B3GLCT: variants seen among roughly 807,000 people sequenced by gnomAD.
The protein encoded by B3GLCT is beta 3-glucosyltransferase.
A neutral mutation model predicts 63.4 loss-of-function variants in B3GLCT; 65 were observed. The observed-to-expected ratio is 1.03, with a 90% CI of 0.84 to 1.26. B3GLCT has a LOEUF of 1.26. Ranked by LOEUF, B3GLCT falls within the 50% of genes most tolerant of loss-of-function variation. The probability of loss-of-function intolerance (pLI) is 0.00; values close to 1 mark genes in which losing one functional copy is unlikely to be tolerated. For synonymous variants in B3GLCT, 233 were observed against 219.2 expected (o/e 1.06, Z -0.55); for missense variants, 577 against 604.8 (o/e 0.95, Z 0.48).
intron 2 of B3GLCT, among the ~76,000 whole-genome samples, chr13:31,219,499 A>C (rs1869717383): frequency 6.6e-6 from 1 of 152,162 alleles, no homozygotes; most frequent in South Asian, 2.1e-4. Flanking sequence ...GTAGCACTCA[A>C]AGTCCTTGTG....
At chr13:31,252,006 A>G (rs570958092) in intron 6 of B3GLCT, among the ~76,000 whole-genome samples, 68 of 152,218 alleles carry the variant, frequency 4.5e-4, no homozygotes, top group Non-Finnish European at 6.9e-4. Flanking sequence ...CCATCAGACT[A>G]ACAGCGGATC....
chr13:31,248,404 T>C (rs561035263), intron 6 of B3GLCT, among the ~76,000 whole-genome samples: 124 of 152,304 alleles, frequency 8.1e-4, no homozygotes, highest in African/African-American at 2.9e-3. Flanking sequence ...ATTCTGAACA[T>C]GTGGGTGGCA....
At chr13:31,327,699 G>A (rs993210865) in intron 14 of B3GLCT, among the ~76,000 whole-genome samples, 7 of 152,104 alleles carry the variant, frequency 4.6e-5, no homozygotes, top group Non-Finnish European at 8.8e-5. Context: ...AAGAAACGTC[G>A]TATAATAAAT....
chr13:31,204,105 G>T (rs1868817367), intron 1 of B3GLCT, among the ~76,000 whole-genome samples: 1 of 152,194 alleles, frequency 6.6e-6, no homozygotes, highest in South Asian at 2.1e-4. Flanking sequence ...AATGAATCGT[G>T]TCTGTGCCAA....
At chr13:31,318,740 A>AAGAG in intron 13 of B3GLCT, among the ~76,000 whole-genome samples, 1 of 152,262 alleles carries the variant, frequency 6.6e-6, no homozygotes, top group Non-Finnish European at 1.5e-5. Flanking sequence ...TTTCTGGGTG[A>AAGAG]AGAGTTAGGG....
chr13:31,286,712 T>C lies in B3GLCT; in HGVS notation c.965-8T>C, dbSNP rs987796107. On this transcript the variant is annotated splice_polypyrimidine_tract_variant and splice_region_variant and intron_variant, in intron 11 of 14. Coordinates refer to ENST00000343307, the MANE Select transcript of B3GLCT (RefSeq NM_194318.4). ...ATACATTGTAAGTTTTTTTCTTGCC[T>C]TTTCTAGGTCATTGTGGAAAGACAT... The C allele has an allele frequency of 6.3e-7, 1 of 1,590,000 alleles. No individual in the cohort carries two copies. The highest frequency in any genetic ancestry group is 1.7e-5 in the Admixed American group (1 of 59,910).
chr13:31,250,347 A>T (rs117140962), intron 6 of B3GLCT, among the ~76,000 whole-genome samples: 1 of 152,142 alleles, frequency 6.6e-6, no homozygotes, highest in East Asian at 1.9e-4. Flanking sequence ...GTAATTTTTG[A>T]ATTTTTAGTA....
chr13:31,331,368 T>A lies in B3GLCT; in HGVS notation c.*1700T>A, dbSNP rs182680558. ...TTGACATGATTGAAGCTGGCATCCG[T>A]ATATGAAGATCCTTGTCAAGCTTTC... On this transcript the variant is annotated 3_prime_UTR_variant, in exon 15 of 15. Coordinates refer to ENST00000343307, the MANE Select transcript of B3GLCT (RefSeq NM_194318.4). 1 of 151,524 alleles carries A rather than the reference T, an allele frequency of 6.6e-6. No homozygotes were observed. The highest frequency in any genetic ancestry group is 6.6e-5 in the Admixed American group (1 of 15,142). 9.4% of individuals were successfully genotyped at this position (151,524 alleles called of 1,614,324 possible).
At chr13:31,255,583 GGTACTGGTA>G (rs1871697403) in intron 6 of B3GLCT, among the ~76,000 whole-genome samples, 1 of 152,154 alleles carries the variant, frequency 6.6e-6, no homozygotes, top group South Asian at 2.1e-4. Context: ...AAAACAGCAT[GGTACTGGTA>G]CCAAAACCAG....
At chr13:31,280,737 A>C (rs1255973328) in intron 10 of B3GLCT, among the ~76,000 whole-genome samples, 3 of 152,238 alleles carry the variant, frequency 2.0e-5, no homozygotes, top group Non-Finnish European at 4.4e-5. Flanking sequence ...TAACAATAAC[A>C]CATTTATGTA....
chr13:31,302,267 C>G (rs765751036), intron 12 of B3GLCT, among the ~76,000 whole-genome samples: 31 of 152,288 alleles, frequency 2.0e-4, no homozygotes, highest in Non-Finnish European at 4.1e-4. Context: ...GCCTGGATAA[C>G]GGTCATATTC....
chr13:31,265,869 C>CTGAAAAAGTCAGCTAGGAAGTAGAAT (rs1872274081), intron 7 of B3GLCT, among the ~76,000 whole-genome samples: 1 of 151,966 alleles, frequency 6.6e-6, no homozygotes, highest in African/African-American at 2.4e-5. Context: ...GGAAGTGGGA[C>CTGAAAAAGTCAGCTAGGAAGTAGAAT]TGAAAAAGTC....
At chr13:31,263,864 C>T (rs1872164314) in intron 7 of B3GLCT, among the ~76,000 whole-genome samples, 1 of 152,148 alleles carries the variant, frequency 6.6e-6, no homozygotes, top group Admixed American at 6.5e-5. Context: ...GAACTGAGGG[C>T]CTTGTCACTG....
intron 12 of B3GLCT, among the ~76,000 whole-genome samples, chr13:31,308,823 G>A (rs933265663): frequency 6.6e-6 from 1 of 152,132 alleles, no homozygotes; most frequent in African/African-American, 2.4e-5. Context: ...ACTTTCTGTT[G>A]TTCCTGCATA....
chr13:31,299,065 C>T (rs1397435675), intron 12 of B3GLCT, among the ~76,000 whole-genome samples: 1 of 152,312 alleles, frequency 6.6e-6, no homozygotes, highest in East Asian at 1.9e-4. Context: ...CAACGTACTC[C>T]TGCCTTGGCA....
At chr13:31,269,415 C>T (rs1250501505) in intron 8 of B3GLCT, 138 bp downstream of exon 8, 8 of 634,890 alleles carry the variant, frequency 1.3e-5, no homozygotes, top group Non-Finnish European at 2.3e-5. Flanking sequence ...TCATAGCACT[C>T]CAGCGAATTA....
At chr13:31,241,443 G>A (rs983953315) in intron 4 of B3GLCT, among the ~76,000 whole-genome samples, 5 of 152,198 alleles carry the variant, frequency 3.3e-5, no homozygotes, top group African/African-American at 1.2e-4. Flanking sequence ...CATGAACATG[G>A]TGCCAGTGGT....
Position 31,273,213 on chromosome 13 carries a change from G to A in B3GLCT, c.661-1296G>A, listed in dbSNP as rs184656902. On this transcript the variant is annotated intron_variant, in intron 8 of 14. Coordinates refer to ENST00000343307, the MANE Select transcript of B3GLCT (RefSeq NM_194318.4). ...GGGTTCAAGCAATTCTTCTGCCTCAGCCTCCTGAGTAGCTGGGACTACAGG... is the reference window on the plus strand; with the variant it reads ...GGGTTCAAGCAATTCTTCTGCCTCAACCTCCTGAGTAGCTGGGACTACAGG... Among the ~76,000 whole-genome samples the A allele has an allele frequency of 3.9e-5, 6 of 152,230 alleles. No individual in the cohort carries two copies. In the East Asian group the frequency reaches 9.6e-4, roughly 24 times the overall value.
chr13:31,243,066 A>T (rs1193779391), intron 4 of B3GLCT, among the ~76,000 whole-genome samples: 2 of 152,218 alleles, frequency 1.3e-5, no homozygotes, highest in East Asian at 1.9e-4. Flanking sequence ...CAATAAACAG[A>T]TGTTAATTTT....
Sources: allele counts gnomAD v4.1 joint callset (sites outside exome capture counted in the v4.1 genomes callset), GRCh38; gene constraint gnomAD v4.1.1; transcripts MANE v1.5; gene names NCBI Gene and HGNC (gene_info 2026-07-23, HGNC 2026-07-21).